The following UST variants were observed in gnomAD, a reference collection of about 807,000 sequenced individuals.
UST encodes chondroitin sulfate 2-O-sulfotransferase.
A neutral mutation model predicts 45.6 loss-of-function variants in UST; 21 were observed. The ratio of observed to expected loss-of-function variants is 0.46; its 90% confidence interval spans 0.33 to 0.66. The LOEUF (loss-of-function observed/expected upper bound fraction) is 0.66. Among genes scored for constraint, UST ranks in the 30% least tolerant of loss-of-function variants. The probability of loss-of-function intolerance (pLI) is 0.02; values close to 1 mark genes in which losing one functional copy is unlikely to be tolerated. For missense variants in UST, 463 were observed against 512.4 expected (o/e 0.90, Z 0.93); for synonymous variants, 215 against 200.6 (o/e 1.07, Z -0.61).
At chr6:149,032,755 C>A (rs1776173783) in intron 7 of UST, among the ~76,000 whole-genome samples, 1 of 152,164 alleles carries the variant, frequency 6.6e-6, no homozygotes, top group South Asian at 2.1e-4. Flanking sequence ...CTGTGTCTAC[C>A]CCAGTTACTC....
intron 5 of UST, among the ~76,000 whole-genome samples, chr6:149,015,416 G>T (rs576805201): frequency 6.6e-6 from 1 of 152,162 alleles, no homozygotes; most frequent in Non-Finnish European, 1.5e-5. Flanking sequence ...ATCTTGAGCA[G>T]CGTGGGGTCT....
intron 2 of UST, among the ~76,000 whole-genome samples, chr6:148,892,866 T>C (rs1184713176): frequency 2.6e-5 from 4 of 152,168 alleles, no homozygotes; most frequent in Non-Finnish European, 4.4e-5. Flanking sequence ...ATAATAAAAT[T>C]ACAAAGATGC....
At chr6:149,004,141 A>G (rs1781603655) in intron 5 of UST, among the ~76,000 whole-genome samples, 1 of 152,224 alleles carries the variant, frequency 6.6e-6, no homozygotes, top group Non-Finnish European at 1.5e-5. Context: ...ATTTAATAGA[A>G]CATAGTATTT....
At chr6:149,035,900 G>GT (rs1776233614) in intron 7 of UST, among the ~76,000 whole-genome samples, 1 of 152,216 alleles carries the variant, frequency 6.6e-6, no homozygotes, top group Non-Finnish European at 1.5e-5. Context: ...AGTGATTGTA[G>GT]TTTTTTTCTC....
intron 7 of UST, among the ~76,000 whole-genome samples, chr6:149,068,923 G>A (rs1776780464): frequency 6.6e-6 from 1 of 152,054 alleles, no homozygotes; most frequent in Non-Finnish European, 1.5e-5. Context: ...CCAGCCTCTG[G>A]TATGTATCAT....
At chr6:148,833,220 G>T (rs1357563216) in intron 1 of UST, among the ~76,000 whole-genome samples, 1 of 152,244 alleles carries the variant, frequency 6.6e-6, no homozygotes. Flanking sequence ...AGGCGCAGTG[G>T]CTCATGCCTG....
intron 7 of UST, among the ~76,000 whole-genome samples, chr6:149,032,172 C>T (rs1019185819): frequency 3.3e-5 from 5 of 152,158 alleles, no homozygotes; most frequent in African/African-American, 7.2e-5. Flanking sequence ...CCAATCTCAG[C>T]GCCAGTGGCC....
At chr6:148,870,817 C>T (rs1239961590) in intron 1 of UST, among the ~76,000 whole-genome samples, 1 of 152,168 alleles carries the variant, frequency 6.6e-6, no homozygotes, top group Non-Finnish European at 1.5e-5. Context: ...CCTCTGTTCT[C>T]CCTTCTCACA....
At chr6:149,062,056 TC>T (rs1776662237) in intron 7 of UST, among the ~76,000 whole-genome samples, 1 of 152,236 alleles carries the variant, frequency 6.6e-6, no homozygotes, top group African/African-American at 2.4e-5. Context: ...CAGCACAAAT[TC>T]ATTAGCTGCA....
chr6:148,753,622 T>C (rs1213780341), intron 1 of UST, among the ~76,000 whole-genome samples: 1 of 152,212 alleles, frequency 6.6e-6, no homozygotes, highest in Non-Finnish European at 1.5e-5. Flanking sequence ...CTGTAAGTAG[T>C]GCTGCTATGA....
chr6:148,853,845 G>A (rs1463494024), intron 1 of UST, among the ~76,000 whole-genome samples: 1 of 151,230 alleles, frequency 6.6e-6, no homozygotes, highest in Non-Finnish European at 1.5e-5. Context: ...TCTTCAACAG[G>A]GGACTCCTGT....
intron 1 of UST, among the ~76,000 whole-genome samples, chr6:148,864,409 T>G (rs1210651816): frequency 2.0e-5 from 3 of 152,226 alleles, no homozygotes; most frequent in African/African-American, 7.2e-5. Context: ...CGTCACAGCT[T>G]CCCTTGGCTA....
chr6:149,023,497 C>A (rs1776009833), intron 7 of UST, among the ~76,000 whole-genome samples: 1 of 152,122 alleles, frequency 6.6e-6, no homozygotes, highest in Non-Finnish European at 1.5e-5. Flanking sequence ...ACTAAGCTAC[C>A]CCTGAATTTC....
intron 5 of UST, among the ~76,000 whole-genome samples, chr6:148,978,964 A>C (rs1401503359): frequency 2.0e-5 from 3 of 152,260 alleles, no homozygotes; most frequent in Non-Finnish European, 2.9e-5. Flanking sequence ...TAGGATCCAG[A>C]TCCTTTGGGA....
At chr6:148,818,273 C>G (rs535858078) in intron 1 of UST, among the ~76,000 whole-genome samples, 1 of 152,242 alleles carries the variant, frequency 6.6e-6, no homozygotes, top group Admixed American at 6.5e-5. Context: ...TTTTATTTGC[C>G]AAAGTGTGAC....
intron 5 of UST, among the ~76,000 whole-genome samples, chr6:148,997,623 C>G (rs1370125647): frequency 1.3e-5 from 2 of 152,174 alleles, no homozygotes; most frequent in African/African-American, 4.8e-5. Flanking sequence ...TTCATATCCT[C>G]TGAAGATGAG....
At chr6:149,014,913 A>G (rs189400327) in intron 5 of UST, among the ~76,000 whole-genome samples, 272 of 152,224 alleles carry the variant, frequency 1.8e-3, no homozygotes, top group African/African-American at 6.4e-3. Context: ...GGAGTCCTCC[A>G]AGGAGAGCAA....
Position 148,749,938 on chromosome 6 carries a change from TG to T in UST, c.247+2264del, listed in dbSNP as rs1012381814. On this transcript the variant is annotated intron_variant, in intron 1 of 7. Transcript: ENST00000367463. ...CCTGTTACGTAAATATAATGATTTT[TG>T]GGAAAAGTGGGCTTGTGGTATTTTG... Among the ~76,000 whole-genome samples, 23 of 152,314 alleles carry T rather than the reference TG, an allele frequency of 1.5e-4. 1 individual carries two copies. Among genetic ancestry groups the T allele is most frequent in the African/African-American group, 5.1e-4 (21 of 41,568 alleles).
chr6:148,790,152 C>A lies in UST; in HGVS notation c.247+42475C>A, dbSNP rs1263659916. Among the ~76,000 whole-genome samples the A allele has an allele frequency of 6.6e-6, 1 of 152,144 alleles. No individual in the cohort carries two copies. The highest frequency in any genetic ancestry group is 1.5e-5 in the Non-Finnish European group (1 of 68,040). ...TTAGCTGCTTCCTGTAGCTCGTTCC[C>A]TGACAGTGTTCATGTAGCGTCTCCT... On this transcript the variant is annotated intron_variant, in intron 1 of 7. Transcript: ENST00000367463. The surrounding 1 kb of genome is among the most constrained non-coding windows in gnomAD (Gnocchi z 4.2).
Sources: allele counts gnomAD v4.1 joint callset (sites outside exome capture counted in the v4.1 genomes callset), GRCh38; gene constraint gnomAD v4.1.1; non-coding constraint Gnocchi (gnomAD v3.1); transcripts MANE v1.5; gene names NCBI Gene and HGNC (gene_info 2026-07-23, HGNC 2026-07-21).